Variants in KYNU observed in about 807,000 individuals in gnomAD.
KYNU encodes L-kynurenine hydrolase.
KYNU carries 54 observed loss-of-function variants against 59.2 expected under a neutral mutation model. The observed-to-expected ratio is 0.91, with a 90% CI of 0.73 to 1.14. The LOEUF is 1.14. Ranked by LOEUF, KYNU falls within the 50% of genes most tolerant of loss-of-function variation. The probability of loss-of-function intolerance (pLI) is 0.00; values close to 1 mark genes in which losing one functional copy is unlikely to be tolerated. For missense variants in KYNU, 567 were observed against 554.4 expected, an observed-to-expected ratio of 1.02 and a Z score of -0.23; for synonymous variants, 177 against 192.0, an observed-to-expected ratio of 0.92 and a Z score of 0.65.
chr2:142,884,688 C>CTTTTTTT (rs70997529), intron 1 of KYNU, among the ~76,000 whole-genome samples: 322 of 76,988 alleles, frequency 4.2e-3, no homozygotes, highest in Non-Finnish European at 5.1e-3. Context: ...TTCTCTTTTC[C>CTTTTTTT]TTTTTTTTTT....
chr2:142,985,921 A>T (rs761186212), intron 9 of KYNU, 27 bp from the exon 10 acceptor site: 2 of 1,490,126 alleles, frequency 1.3e-6, no homozygotes, highest in South Asian at 2.3e-5. Context: ...AAGTAAACCC[A>T]CATAATTTAA....
chr2:142,959,016 A>G (rs997549849), intron 7 of KYNU, among the ~76,000 whole-genome samples: 1 of 152,132 alleles, frequency 6.6e-6, no homozygotes, highest in African/African-American at 2.4e-5. Context: ...AGATATTTTA[A>G]TAACAATCCC....
chr2:142,925,267 G>A (rs1683014106), intron 3 of KYNU, among the ~76,000 whole-genome samples: 1 of 152,184 alleles, frequency 6.6e-6, no homozygotes, highest in South Asian at 2.1e-4. Flanking sequence ...GAGGCAAGCT[G>A]CAGGCTATCT....
intron 10 of KYNU, among the ~76,000 whole-genome samples, chr2:143,024,202 T>C (rs1686488753): frequency 6.6e-6 from 1 of 152,114 alleles, no homozygotes; most frequent in East Asian, 1.9e-4. Flanking sequence ...TTTTACCTGA[T>C]CTATCATGTT....
rs935834429 is a variant in KYNU at position 143,054,501 on chromosome 2, T to C, written c.*12329T>C. 6.6e-6 allele frequency: 1 copy of C among 152,168 alleles called. No homozygotes were observed. The highest frequency in any genetic ancestry group is 2.4e-5 in the African/African-American group (1 of 41,430). The allele number at this position is 152,168 out of a possible 1,614,324, so 9.4% of individuals were successfully genotyped here. A position where few individuals can be genotyped will look rare whatever the true frequency, so the allele number is the denominator to read the frequency against. ...AAAGTTAGTGAAAACTATTAATATA[T>C]AGTGGAGGCATCACGTTGTTATGAA... is the stretch of plus-strand genomic sequence containing the variant. On this transcript the variant is annotated 3_prime_UTR_variant, in exon 14 of 14. Coordinates refer to ENST00000264170, the MANE Select transcript of KYNU (RefSeq NM_003937.3).
At chr2:142,882,433 A>G (rs955321588) in intron 1 of KYNU, among the ~76,000 whole-genome samples, 1 of 151,556 alleles carries the variant, frequency 6.6e-6, no homozygotes. Flanking sequence ...GCACCCATTA[A>G]CTCGTCATTT....
At chr2:142,882,887 T>C (rs1164203653) in intron 1 of KYNU, among the ~76,000 whole-genome samples, 4 of 152,272 alleles carry the variant, frequency 2.6e-5, no homozygotes, top group South Asian at 4.1e-4. Context: ...TGCTTCTAGA[T>C]CCTTGAGGAA....
intron 2 of KYNU, among the ~76,000 whole-genome samples, chr2:142,891,877 GAGTATTCCTT>G (rs1681724468): frequency 6.6e-6 from 1 of 151,966 alleles, no homozygotes; most frequent in Admixed American, 6.6e-5. Context: ...AAACAATTAA[GAGTATTCCTT>G]AGTTAAAAGT....
At chr2:142,929,384 G>C (rs1393514598) in intron 4 of KYNU, among the ~76,000 whole-genome samples, 2 of 115,606 alleles carry the variant, frequency 1.7e-5, no homozygotes, top group East Asian at 5.3e-4. Context: ...AAAAAAAAAA[G>C]TAAACCAAAT....
intron 8 of KYNU, chr2:142,964,531 T>G (rs1684468771): frequency 6.6e-6 from 1 of 152,190 alleles, no homozygotes; most frequent in African/African-American, 2.4e-5. Flanking sequence ...CCCTGATTAT[T>G]GATAAGATTG....
intron 10 of KYNU, among the ~76,000 whole-genome samples, chr2:143,015,512 A>T (rs531164476): frequency 1.3e-5 from 2 of 152,126 alleles, no homozygotes; most frequent in Non-Finnish European, 2.9e-5. Flanking sequence ...GATATAATAT[A>T]TTATCAGGTC....
chr2:143,053,235 T>TGGAA lies in KYNU; in HGVS notation c.*11066_*11069dup, dbSNP rs1687296356. 1 of 151,388 alleles carries TGGAA rather than the reference T, an allele frequency of 6.6e-6. No homozygotes were observed. Among genetic ancestry groups the TGGAA allele is most frequent in the South Asian group, 2.1e-4 (1 of 4,818 alleles). 9.4% of individuals were successfully genotyped at this position (151,388 alleles called of 1,614,324 possible). On this transcript the variant is annotated 3_prime_UTR_variant, in exon 14 of 14. Transcript: ENST00000264170. The stretch of plus-strand genomic sequence containing the variant: ...GCTTTTGATTTTACAGGCCCATAGG[T>TGGAA]GGAAGGGCGATGTTTCTTTCTGGAG...
Position 142,899,238 on chromosome 2 carries a change from C to G in KYNU, c.169+13702C>G, listed in dbSNP as rs1193821607. ...AGGGGACCCAAAGGGGGTTGCCACT[C>G]CCTGCTTGAATGCCTGAGTTTATAT... On this transcript the variant is annotated intron_variant, in intron 2 of 13. Coordinates refer to ENST00000264170, the MANE Select transcript of KYNU (RefSeq NM_003937.3). 2.0e-5 allele frequency among the ~76,000 whole-genome samples: 3 copies of G among 152,230 alleles called. No individual in the cohort carries two copies. The East Asian group carries it at 5.8e-4, about 29-fold the overall frequency.
In KYNU at chr2:143,049,912, G is replaced by T. The variant is rs1208265489; in HGVS notation, c.*7740G>T. ...AAGTCTGATTTTCCAGAGTTTTTAT[G>T]TTTGCTTCTGTCAGTTGCAGAGAAT... is the stretch of plus-strand genomic sequence containing the variant. On this transcript the variant is annotated 3_prime_UTR_variant, in exon 14 of 14. Coordinates refer to ENST00000264170, the MANE Select transcript of KYNU (RefSeq NM_003937.3). 6.6e-6 allele frequency: 1 copy of T among 151,482 alleles called. No individual in the cohort carries two copies. The highest frequency in any genetic ancestry group is 1.9e-4 in the East Asian group (1 of 5,176). 9.4% of individuals were successfully genotyped at this position (151,482 alleles called of 1,614,324 possible). A position where few individuals can be genotyped will look rare whatever the true frequency, so the allele number is the denominator to read the frequency against.
At chr2:143,017,394 C>T (rs76657938) in intron 10 of KYNU, among the ~76,000 whole-genome samples, 17,364 of 150,494 alleles carry the variant, frequency 0.12, 1,103 homozygotes, top group East Asian at 0.25. Context: ...TCCACAGGCT[C>T]ACCGACATTG....
chr2:142,896,655 C>T (rs1175755893), intron 2 of KYNU, among the ~76,000 whole-genome samples: 1 of 152,058 alleles, frequency 6.6e-6, no homozygotes, highest in African/African-American at 2.4e-5. Context: ...TCAAGCAAAT[C>T]TCCTGCTAAT....
chr2:142,933,349 T>C (rs1683288792), intron 4 of KYNU, among the ~76,000 whole-genome samples: 1 of 152,140 alleles, frequency 6.6e-6, no homozygotes, highest in Non-Finnish European at 1.5e-5. Flanking sequence ...GGTGAGAGCC[T>C]TCCAGAGTAG....
rs548379435 is a variant in KYNU, at chr2:143,001,337, C to G, written c.902+15316C>G. Among the ~76,000 whole-genome samples, 4 of 152,254 alleles carry G rather than the reference C, an allele frequency of 2.6e-5. No homozygotes were observed. In the East Asian group the frequency reaches 7.7e-4, roughly 29 times the overall value. On this transcript the variant is annotated intron_variant, in intron 10 of 13. Transcript: ENST00000264170. ...TGGGCAGAGACAATGCCTGTTTTGT[C>G]TTATGCTGTCTCTCTCGGGCTTCTA... is the stretch of plus-strand genomic sequence containing the variant.
intron 10 of KYNU, among the ~76,000 whole-genome samples, chr2:143,018,013 T>C (rs1319889151): frequency 6.6e-6 from 1 of 152,216 alleles, no homozygotes; most frequent in Non-Finnish European, 1.5e-5. Flanking sequence ...TTCAATTGCT[T>C]AAGTTCCCTA....
Sources: gnomAD v4.1 joint callset for allele counts (sites outside exome capture counted in the v4.1 genomes callset) on GRCh38, gnomAD v4.1.1 for gene constraint, MANE v1.5 for transcripts, NCBI Gene and HGNC (gene_info 2026-07-23, HGNC 2026-07-21) for gene names.